Variants in MEI4 observed in about 807,000 individuals in gnomAD.
MEI4 encodes meiotic double-stranded break formation protein 4, also known as meiosis-specific protein MEI4.
In MEI4, 27 loss-of-function variants were observed where a neutral mutation model predicts 31.4. That is an observed-to-expected ratio of 0.86 (90% CI 0.63 to 1.19). The LOEUF (loss-of-function observed/expected upper bound fraction) is 1.19. Ranked by LOEUF, MEI4 falls within the 50% of genes most tolerant of loss-of-function variation. The probability of loss-of-function intolerance (pLI) is 0.00; values close to 1 mark genes in which losing one functional copy is unlikely to be tolerated. For missense variants in MEI4, 329 were observed against 398.9 expected (o/e 0.82, Z 1.49); for synonymous variants, 122 against 145.4 (o/e 0.84, Z 1.16).
chr6:77,747,594 G>A (rs1767649618), intron 2 of MEI4, among the ~76,000 whole-genome samples: 1 of 152,122 alleles, frequency 6.6e-6, no homozygotes. Flanking sequence ...TCTTCTGCCA[G>A]GTCCCTCCCT....
intron 3 of MEI4, among the ~76,000 whole-genome samples, chr6:77,804,035 G>T (rs1319364297): frequency 2.0e-5 from 3 of 152,156 alleles, no homozygotes; most frequent in Admixed American, 6.5e-5. Context: ...AGAGGTTTCT[G>T]CTGCCTTTTG....
intron 2 of MEI4, among the ~76,000 whole-genome samples, chr6:77,694,198 A>C (rs1228503199): frequency 6.6e-6 from 1 of 151,856 alleles, no homozygotes; most frequent in Non-Finnish European, 1.5e-5. Flanking sequence ...GTCTATTTGA[A>C]ATTCAAATGT....
chr6:77,737,361 G>A (rs567295005), intron 2 of MEI4, among the ~76,000 whole-genome samples: 2 of 152,264 alleles, frequency 1.3e-5, no homozygotes, highest in African/African-American at 4.8e-5. Flanking sequence ...ACTTTGGCAT[G>A]GAAATAAAAG....
At chr6:77,841,965 G>A (rs1486858347) in intron 4 of MEI4, among the ~76,000 whole-genome samples, 1 of 151,988 alleles carries the variant, frequency 6.6e-6, no homozygotes, top group Non-Finnish European at 1.5e-5. Context: ...AACATTGTAG[G>A]GAGGACTGGA....
intron 2 of MEI4, among the ~76,000 whole-genome samples, chr6:77,694,854 G>A (rs994581397): frequency 1.3e-5 from 2 of 151,074 alleles, no homozygotes; most frequent in Non-Finnish European, 3.0e-5. Context: ...TTCCACAATG[G>A]TTGAACTAGT....
chr6:77,889,640 A>G (rs1470762439), intron 4 of MEI4, among the ~76,000 whole-genome samples: 1 of 152,256 alleles, frequency 6.6e-6, no homozygotes, highest in Non-Finnish European at 1.5e-5. Context: ...AGTAGCAAGG[A>G]GCCAGATGCT....
chr6:77,666,141 C>T (rs984827690), intron 1 of MEI4, among the ~76,000 whole-genome samples: 19 of 151,804 alleles, frequency 1.3e-4, no homozygotes, highest in Admixed American at 3.3e-4. Context: ...TTATAGGTTT[C>T]GGGATAGGCG....
intron 2 of MEI4, among the ~76,000 whole-genome samples, chr6:77,730,526 C>T (rs1187205188): frequency 2.6e-5 from 4 of 152,196 alleles, no homozygotes; most frequent in African/African-American, 7.2e-5. Context: ...TTTTTCCCTA[C>T]TAACTCTTTT....
upstream of MEI4, among the ~76,000 whole-genome samples, chr6:77,652,637 A>G (rs983611825): frequency 6.6e-6 from 1 of 152,164 alleles, no homozygotes; most frequent in African/African-American, 2.4e-5. Context: ...AGGAAGGAAG[A>G]TATTGGCTAT....
chr6:77,881,553 T>C (rs1299428693), intron 4 of MEI4, among the ~76,000 whole-genome samples: 2 of 152,240 alleles, frequency 1.3e-5, no homozygotes, highest in African/African-American at 4.8e-5. Context: ...CATGGTTAGC[T>C]ATATGCTGCT....
chr6:77,872,001 A>G (rs1350541682), intron 4 of MEI4, among the ~76,000 whole-genome samples: 1 of 152,204 alleles, frequency 6.6e-6, no homozygotes, highest in Non-Finnish European at 1.5e-5. Context: ...ATGTGATTTT[A>G]TCTAAATTTC....
intron 2 of MEI4, among the ~76,000 whole-genome samples, chr6:77,727,924 T>G (rs1269966458): frequency 1.8e-5 from 2 of 113,232 alleles, no homozygotes; most frequent in East Asian, 4.6e-4. Flanking sequence ...AGATGTACAT[T>G]AGTTAGAGAA....
intron 2 of MEI4, among the ~76,000 whole-genome samples, chr6:77,735,221 C>T (rs1484432048): frequency 6.6e-6 from 1 of 151,992 alleles, no homozygotes; most frequent in Non-Finnish European, 1.5e-5. Context: ...TAATATCCTG[C>T]AGAGTGTTTT....
intron 1 of MEI4, among the ~76,000 whole-genome samples, chr6:77,653,398 G>A (rs1310503221): frequency 6.6e-6 from 1 of 152,102 alleles, no homozygotes; most frequent in Non-Finnish European, 1.5e-5. Flanking sequence ...GGAATTTTTG[G>A]TAACAGCCAA....
intron 4 of MEI4, among the ~76,000 whole-genome samples, chr6:77,839,026 T>A (rs1038474998): frequency 6.6e-6 from 1 of 152,148 alleles, no homozygotes; most frequent in East Asian, 1.9e-4. Context: ...TTTCCTTTTT[T>A]TCAATGTCCA....
At chr6:77,792,994 G>A (rs1432081121) in intron 3 of MEI4, among the ~76,000 whole-genome samples, 2 of 152,136 alleles carry the variant, frequency 1.3e-5, no homozygotes, top group Non-Finnish European at 2.9e-5. Flanking sequence ...TTACAGGCGG[G>A]AGCCATCATG....
At chr6:77,726,749 A>C (rs1766832827) in intron 2 of MEI4, among the ~76,000 whole-genome samples, 2 of 152,194 alleles carry the variant, frequency 1.3e-5, no homozygotes, top group Admixed American at 1.3e-4. Flanking sequence ...TATTCTAAGC[A>C]TGATGAGAAG....
At chr6:77,827,360 T>TAA (rs57446339) in intron 3 of MEI4, among the ~76,000 whole-genome samples, 772 of 67,778 alleles carry the variant, frequency 0.011, 19 homozygotes, top group African/African-American at 0.033. Flanking sequence ...GACTCCATCT[T>TAA]AAAAAAAAAA....
intron 2 of MEI4, among the ~76,000 whole-genome samples, chr6:77,694,415 C>T (rs967886360): frequency 6.6e-6 from 1 of 150,854 alleles, no homozygotes; most frequent in African/African-American, 2.4e-5. Flanking sequence ...CTCCCCCTTC[C>T]CCCCACCCCA....
Sources: allele counts gnomAD v4.1 joint callset (sites outside exome capture counted in the v4.1 genomes callset), GRCh38; gene constraint gnomAD v4.1.1; transcripts MANE v1.5; gene names NCBI Gene and HGNC (gene_info 2026-07-23, HGNC 2026-07-21).